IQCJ: variants seen among roughly 807,000 people sequenced by gnomAD.
IQCJ encodes the protein IQ motif containing J, also known as IQ domain-containing protein J.
IQCJ carries 9 observed loss-of-function variants against 11.0 expected under a neutral mutation model. The ratio of observed to expected loss-of-function variants is 0.82; its 90% confidence interval spans 0.49 to 1.43. The LOEUF is 1.43. Among genes scored for constraint, IQCJ ranks in the 40% most tolerant of loss-of-function variants. IQCJ has a pLI of 0.00. For missense variants in IQCJ, 146 were observed against 133.2 expected, an observed-to-expected ratio of 1.10 and a Z score of -0.47; for synonymous variants, 55 against 51.3, an observed-to-expected ratio of 1.07 and a Z score of -0.31.
chr3:159,147,127 C>T (rs774335866), intron 1 of IQCJ, among the ~76,000 whole-genome samples: 1 of 152,116 alleles, frequency 6.6e-6, no homozygotes, highest in Non-Finnish European at 1.5e-5. Flanking sequence ...AGAATTTATG[C>T]TAATTTTTAC....
chr3:159,232,532 T>C (rs558255262), intron 1 of IQCJ, among the ~76,000 whole-genome samples: 1 of 149,354 alleles, frequency 6.7e-6, no homozygotes, highest in Admixed American at 6.7e-5. Flanking sequence ...TCTCAGCTCA[T>C]TGAGTGAGTT....
At chr3:159,116,312 A>C (rs1269450283) in intron 1 of IQCJ, among the ~76,000 whole-genome samples, 1 of 152,016 alleles carries the variant, frequency 6.6e-6, no homozygotes. Flanking sequence ...CAAAGAAGAA[A>C]AATAATCTTT....
At chr3:159,209,645 C>T (rs943544464) in intron 1 of IQCJ, among the ~76,000 whole-genome samples, 3 of 152,138 alleles carry the variant, frequency 2.0e-5, no homozygotes, top group South Asian at 4.2e-4. Context: ...TGGGCGGGTA[C>T]GGGGGGTTGT....
chr3:159,119,006 G>C (rs1005954997), intron 1 of IQCJ, among the ~76,000 whole-genome samples: 1 of 151,296 alleles, frequency 6.6e-6, no homozygotes, highest in Admixed American at 6.6e-5. Flanking sequence ...GGATATCAGA[G>C]ACTTGATGGC....
At chr3:159,163,120 A>G (rs1462414105) in intron 1 of IQCJ, among the ~76,000 whole-genome samples, 1 of 152,244 alleles carries the variant, frequency 6.6e-6, no homozygotes, top group East Asian at 1.9e-4. Context: ...GACACAACCA[A>G]AAAAGAGAAT....
At chr3:159,106,698 G>A (rs1223897256) in intron 1 of IQCJ, among the ~76,000 whole-genome samples, 1 of 152,070 alleles carries the variant, frequency 6.6e-6, no homozygotes, top group Non-Finnish European at 1.5e-5. Context: ...TAGAGTTAGT[G>A]TCATACCCCA....
chr3:159,171,258 C>T (rs556879013), intron 1 of IQCJ, among the ~76,000 whole-genome samples: 23 of 152,062 alleles, frequency 1.5e-4, no homozygotes, highest in Admixed American at 9.2e-4. Context: ...TCAGTGTTAT[C>T]GATGTACTTT....
intron 1 of IQCJ, among the ~76,000 whole-genome samples, chr3:159,088,547 G>A (rs1716976161): frequency 6.6e-6 from 1 of 152,102 alleles, no homozygotes; most frequent in Admixed American, 6.5e-5. Flanking sequence ...TTAATGTGTG[G>A]GAGTCTAAGT....
chr3:159,184,857 A>G (rs1442379401), intron 1 of IQCJ, among the ~76,000 whole-genome samples: 1 of 152,204 alleles, frequency 6.6e-6, no homozygotes, highest in East Asian at 1.9e-4. Context: ...TAAATTTAAG[A>G]GGGCTGAGGA....
chr3:159,264,866 G>A (rs1325971780), downstream of IQCJ, among the ~76,000 whole-genome samples: 15 of 150,900 alleles, frequency 9.9e-5, no homozygotes, highest in Admixed American at 5.9e-4. Context: ...GCAGTGAGCC[G>A]AGATTGCGCC....
intron 1 of IQCJ, among the ~76,000 whole-genome samples, chr3:159,087,993 T>C (rs932980428): frequency 1.3e-5 from 2 of 151,704 alleles, no homozygotes; most frequent in African/African-American, 4.8e-5. Context: ...CTTTTCTAGT[T>C]CTTTTAATTG....
intron 1 of IQCJ, among the ~76,000 whole-genome samples, chr3:159,221,607 A>G (rs1725550555): frequency 6.6e-6 from 1 of 152,142 alleles, no homozygotes; most frequent in Non-Finnish European, 1.5e-5. Flanking sequence ...CAGCTTGGAG[A>G]TGTGAATGTG....
chr3:159,109,322 A>G (rs1718466104), intron 1 of IQCJ, among the ~76,000 whole-genome samples: 1 of 152,164 alleles, frequency 6.6e-6, no homozygotes, highest in African/African-American at 2.4e-5. Context: ...CTTGAGGGCA[A>G]GACATTTATA....
chr3:159,241,463 A>C (rs1726920389), intron 1 of IQCJ, among the ~76,000 whole-genome samples: 1 of 152,168 alleles, frequency 6.6e-6, no homozygotes, highest in South Asian at 2.1e-4. Context: ...GAAACTTAAA[A>C]GTCCATCAAT....
intron 1 of IQCJ, among the ~76,000 whole-genome samples, chr3:159,096,466 C>T (rs1295723571): frequency 3.9e-5 from 5 of 128,406 alleles, no homozygotes; most frequent in Admixed American, 3.3e-4. Flanking sequence ...ATGGTAATGC[C>T]TAGGTTTTCT....
intron 1 of IQCJ, among the ~76,000 whole-genome samples, chr3:159,086,413 T>G (rs1460877080): frequency 6.6e-6 from 1 of 152,180 alleles, no homozygotes; most frequent in African/African-American, 2.4e-5. Flanking sequence ...CTTTTTTGGT[T>G]CCATATGAAC....
At chr3:159,107,810 C>T (rs929768604) in intron 1 of IQCJ, among the ~76,000 whole-genome samples, 7 of 151,946 alleles carry the variant, frequency 4.6e-5, no homozygotes, top group African/African-American at 9.7e-5. Context: ...GAGCACCCAA[C>T]GCCTGAGCTT....
At chr3:159,235,986 G>T (rs1416823522) in intron 1 of IQCJ, among the ~76,000 whole-genome samples, 1 of 152,158 alleles carries the variant, frequency 6.6e-6, no homozygotes, top group East Asian at 1.9e-4. Flanking sequence ...ACTGCTGTAA[G>T]ATCACAGTCC....
At chr3:159,262,502 C>T in intron 3 of IQCJ, 46 bp from the exon 4 acceptor site, 1 of 1,592,802 alleles carries the variant, frequency 6.3e-7, no homozygotes, top group Non-Finnish European at 8.6e-7. Context: ...CATGATCCAA[C>T]AGTAATCATG....
Sources: allele counts gnomAD v4.1 joint callset (sites outside exome capture counted in the v4.1 genomes callset), GRCh38; gene constraint gnomAD v4.1.1; transcripts MANE v1.5; gene names NCBI Gene and HGNC (gene_info 2026-07-23, HGNC 2026-07-21).